The following SCUBE3 variants were observed in gnomAD, a reference collection of about 807,000 sequenced individuals.
SCUBE3 encodes signal peptide, CUB and EGF-like domain-containing protein 3.
A neutral mutation model predicts 116.8 loss-of-function variants in SCUBE3; 33 were observed. The ratio of observed to expected loss-of-function variants is 0.28; its 90% CI spans 0.21 to 0.38. SCUBE3 has a LOEUF of 0.38. Among genes scored for constraint, SCUBE3 ranks in the 10% least tolerant of loss-of-function variants. The pLI, the probability that SCUBE3 is intolerant of heterozygous loss-of-function variation, is 1.00. For synonymous variants in SCUBE3, 418 were observed against 496.9 expected (o/e 0.84, Z 2.11); for missense variants, 1,007 against 1,324.8 (o/e 0.76, Z 3.72).
intron 7 of SCUBE3, among the ~76,000 whole-genome samples, chr6:35,238,527 A>C (rs1456009676): frequency 6.6e-6 from 1 of 152,152 alleles, no homozygotes; most frequent in Non-Finnish European, 1.5e-5. Flanking sequence ...CCTGTCTCCT[A>C]CTAGCTCTGT....
chr6:35,224,473 CA>C (rs1783244128), intron 1 of SCUBE3: 1 of 151,678 alleles, frequency 6.6e-6, no homozygotes, highest in Non-Finnish European at 1.5e-5. Context: ...ATTAATAATA[CA>C]AAAATTAGCC....
In SCUBE3 at chr6:35,233,222, G is replaced by T. The variant is rs374075714; in HGVS notation, c.633G>T (p.Thr211=). Residue 211 remains threonine (T), a synonymous_variant, in exon 6 of 22, where the codon ACG becomes ACT. Transcript: ENST00000274938. The surrounding 1 kb of genome is among the most constrained non-coding windows in gnomAD (Gnocchi z 5.7). Reference sequence around the variant, plus strand: ...ATGGTAACGGCGGCTGCCAGCACACGTGTGATGACACAGAGCAGGGTCCCC... The same window carrying T: ...ATGGTAACGGCGGCTGCCAGCACACTTGTGATGACACAGAGCAGGGTCCCC... The part of the protein sequence containing the change: ...CNYGNGGCQH[T]CDDTEQGPRC... The T allele has an allele frequency of 6.2e-6, 10 of 1,613,872 alleles. No individual in the cohort carries two copies. In the African/African-American group the frequency reaches 9.3e-5, roughly 15 times the overall value.
In SCUBE3 at chr6:35,235,236, G is replaced by A. The variant is rs1368927764; in HGVS notation, c.712+1935G>A. ...TTTCTGAGACTGTTTCAGTTTTTCA[G>A]TCACTTGCGGGGAGCTTGGCATCTT... On this transcript the variant is annotated intron_variant, in intron 6 of 21. Transcript: ENST00000274938. This position sits in a 1 kb window ranked among gnomAD's most constrained non-coding sequence, Gnocchi z 4.5. 2.6e-5 allele frequency among the ~76,000 whole-genome samples: 4 copies of A among 152,150 alleles called. No individual in the cohort carries two copies. Among genetic ancestry groups the A allele is most frequent in the African/African-American group, 9.7e-5 (4 of 41,420 alleles).
rs370490155 is a variant in SCUBE3, at chr6:35,248,486, C to T, written c.2833-70C>T. ...GCCTAGTAGACATCAAGAAGGGCTG[C>T]TGAGTCATGGTGTTTCTCTTTCCCA... On this transcript the variant is annotated intron_variant, in intron 21 of 21. Coordinates refer to ENST00000274938, the MANE Select transcript of SCUBE3 (RefSeq NM_152753.4). 21 of 1,468,556 alleles carry T rather than the reference C, an allele frequency of 1.4e-5. No individual in the cohort carries two copies. In the African/African-American group the frequency reaches 2.5e-4, roughly 17 times the overall value. The allele number at this position is 1,468,556 out of a possible 1,614,324, so 91.0% of individuals were successfully genotyped here. A position where few individuals can be genotyped will look rare whatever the true frequency, so the allele number is the denominator to read the frequency against.
In SCUBE3 at chr6:35,243,159, C is replaced by T. The variant is rs201883060; in HGVS notation, c.1832C>T (p.Pro611Leu). 19 of 1,614,206 alleles carry T rather than the reference C, an allele frequency of 1.2e-5. No homozygotes were observed. Among genetic ancestry groups the T allele is most frequent in the South Asian group, 8.8e-5 (8 of 91,088 alleles). ...AGLDYELAHK[P>L]GLVAGERAEP... ...CTTGATTATGAGCTGGCCCACAAGC[C>T]GGGCCTGGTAGCCGGGGAGCGAGCA... Residue 611 changes from proline (P) to leucine (L), a missense_variant, in exon 15 of 22, where the codon CCG becomes CTG. Pro to Leu is a moderately conservative substitution (Grantham distance 98). Coordinates refer to ENST00000274938, the MANE Select transcript of SCUBE3 (RefSeq NM_152753.4). This position sits in a 1 kb window ranked among gnomAD's most constrained non-coding sequence, Gnocchi z 6.6.
chr6:35,218,162 C>G (rs973063584), intron 1 of SCUBE3: 7 of 984,918 alleles, frequency 7.1e-6, no homozygotes, highest in Non-Finnish European at 8.4e-6. Context: ...GAGATGTGAG[C>G]AGCTGGGACC....
chr6:35,235,743 C>T lies in SCUBE3; in HGVS notation c.713-2159C>T, dbSNP rs532949101. Among the ~76,000 whole-genome samples, 10 of 152,172 alleles carry T rather than the reference C, an allele frequency of 6.6e-5. No homozygotes were observed. Among genetic ancestry groups the T allele is most frequent in the Non-Finnish European group, 1.5e-4 (10 of 68,022 alleles). On this transcript the variant is annotated intron_variant, in intron 6 of 21. Transcript: ENST00000274938. The surrounding 1 kb of genome is among the most constrained non-coding windows in gnomAD (Gnocchi z 4.5). ...CTGTCACTCTCCTTCTGCCCTTCCT[C>T]TTCTGCTGTCTCCTCCCACACCCAC...
In SCUBE3 at chr6:35,243,580, C is replaced by T. The variant is rs560990590; in HGVS notation, c.1910-14C>T. 53 of 1,589,558 alleles carry T rather than the reference C, an allele frequency of 3.3e-5. No individual in the cohort carries two copies. In the Admixed American group the frequency reaches 5.8e-4, roughly 18 times the overall value. On this transcript the variant is annotated splice_polypyrimidine_tract_variant and intron_variant, in intron 15 of 21. Transcript: ENST00000274938. The surrounding 1 kb of genome is among the most constrained non-coding windows in gnomAD (Gnocchi z 6.6). ...TGCGGGGGTGGGTGGCTAGCGCGGC[C>T]GACTCTCCCTCAGTCAGCTGCCCGC... is the stretch of plus-strand genomic sequence containing the variant.
At chr6:35,227,960 A>C (rs1407943290) in intron 2 of SCUBE3, among the ~76,000 whole-genome samples, 2 of 152,214 alleles carry the variant, frequency 1.3e-5, no homozygotes, top group East Asian at 3.9e-4. Context: ...TGGGAGCATG[A>C]AAATCATAAG....
Position 35,227,579 on chromosome 6 carries a change from G to T in SCUBE3, c.86-1G>T, listed in dbSNP as rs893018305. The T allele has an allele frequency of 6.2e-7, 1 of 1,614,044 alleles. No individual in the cohort carries two copies. Among genetic ancestry groups the T allele is most frequent in the Non-Finnish European group, 8.5e-7 (1 of 1,180,026 alleles). On this transcript the variant is annotated splice_acceptor_variant, in intron 1 of 21. Transcript: ENST00000274938. LOFTEE classifies it high-confidence loss of function. ...TCATGTGCCCCCTCTGCCCCTGCCAGATGTGGATGAGTGTGTGGAGGGGAC... is the reference window on the plus strand; with the variant it reads ...TCATGTGCCCCCTCTGCCCCTGCCATATGTGGATGAGTGTGTGGAGGGGAC...
At position 35,249,150 on chromosome 6, in the gene SCUBE3, C is replaced by T. The variant is rs1313256466; in HGVS notation, c.*445C>T. ...TTGCTAGTCAGGGGCCAAAATGTCC[C>T]CTGGCTCTGCTCCCTAGGGTGATTC... is the stretch of plus-strand genomic sequence containing the variant. On this transcript the variant is annotated 3_prime_UTR_variant, in exon 22 of 22. Transcript: ENST00000274938. 6.2e-6 allele frequency: 1 copy of T among 162,560 alleles called. No homozygotes were observed. Among genetic ancestry groups the T allele is most frequent in the Non-Finnish European group, 1.3e-5 (1 of 74,196 alleles). 10.1% of individuals were successfully genotyped at this position (162,560 alleles called of 1,614,324 possible).
intron 14 of SCUBE3, 38 bp downstream of exon 14, chr6:35,242,818 GGGA>G: frequency 1.9e-6 from 3 of 1,604,514 alleles, no homozygotes; most frequent in Non-Finnish European, 2.6e-6. Flanking sequence ...GGACTGGAAG[GGGA>G]GGGCAGAGGT....
chr6:35,240,617 C>A lies in SCUBE3; in HGVS notation c.1069+127C>A. 1 of 538,198 alleles carries A rather than the reference C, an allele frequency of 1.9e-6. No homozygotes were observed. The allele number at this position is 538,198 out of a possible 1,614,324, so 33.3% of individuals were successfully genotyped here. On this transcript the variant is annotated intron_variant, in intron 9 of 21. Coordinates refer to ENST00000274938, the MANE Select transcript of SCUBE3 (RefSeq NM_152753.4). The surrounding 1 kb of genome is among the most constrained non-coding windows in gnomAD (Gnocchi z 4.6). ...TGGATGCATGCACCATGTCTGCATC[C>A]GCTGTGACAAAATAGGAGGAATTAA...
chr6:35,241,083 C>T lies in SCUBE3; in HGVS notation c.1070-58C>T. On this transcript the variant is annotated intron_variant, in intron 9 of 21. Transcript: ENST00000274938. This position sits in a 1 kb window ranked among gnomAD's most constrained non-coding sequence, Gnocchi z 4.1. ...CAAAGGCCCTCACTCACTGCCTACT[C>T]TCCGGCTCCTCCTCCAACTCCATCG... 6.5e-7 allele frequency: 1 copy of T among 1,538,834 alleles called. No individual in the cohort carries two copies. The highest frequency in any genetic ancestry group is 2.3e-5 in the East Asian group (1 of 43,792).
chr6:35,245,436 T>C lies in SCUBE3; in HGVS notation c.2599+11T>C, dbSNP rs1784293179. 6.2e-7 allele frequency: 1 copy of C among 1,612,580 alleles called. No individual in the cohort carries two copies. Among genetic ancestry groups the C allele is most frequent in the South Asian group, 1.1e-5 (1 of 91,050 alleles). On this transcript the variant is annotated intron_variant, in intron 19 of 21. Transcript: ENST00000274938. This position sits in a 1 kb window ranked among gnomAD's most constrained non-coding sequence, Gnocchi z 4.2. ...TCATGAGAAAGAACTGTGGGTGGCT[T>C]GCAGAGCTGGGCCAGGGAAGGGCAG...
intron 1 of SCUBE3, among the ~76,000 whole-genome samples, chr6:35,225,359 A>C (rs1783284879): frequency 6.6e-6 from 1 of 152,298 alleles, no homozygotes; most frequent in South Asian, 2.1e-4. Flanking sequence ...ATTTCTTTGT[A>C]CTGTTTTCTG....
chr6:35,240,002 C>T lies in SCUBE3; in HGVS notation c.952+128C>T, dbSNP rs777080794. 3 of 794,502 alleles carry T rather than the reference C, an allele frequency of 3.8e-6. No homozygotes were observed. Among genetic ancestry groups the T allele is most frequent in the Non-Finnish European group, 5.7e-6 (3 of 528,578 alleles). 49.2% of individuals were successfully genotyped at this position (794,502 alleles called of 1,614,324 possible). A position where few individuals can be genotyped will look rare whatever the true frequency, so the allele number is the denominator to read the frequency against. Reference sequence around the variant, plus strand: ...ACAGAGTCTCTAGAGGCAGTGTCATCCTGCAAATTAGCAAATGGTACTCTT... The same window carrying T: ...ACAGAGTCTCTAGAGGCAGTGTCATTCTGCAAATTAGCAAATGGTACTCTT... On this transcript the variant is annotated intron_variant, in intron 8 of 21. Coordinates refer to ENST00000274938, the MANE Select transcript of SCUBE3 (RefSeq NM_152753.4). The surrounding 1 kb of genome is among the most constrained non-coding windows in gnomAD (Gnocchi z 4.6).
rs1205372619 is a variant in SCUBE3, at chr6:35,240,671, G to A, written c.1069+181G>A. Among the ~76,000 whole-genome samples, 2 of 152,150 alleles carry A rather than the reference G, an allele frequency of 1.3e-5. No individual in the cohort carries two copies. The highest frequency in any genetic ancestry group is 2.1e-4 in the South Asian group (1 of 4,828). On this transcript the variant is annotated intron_variant, in intron 9 of 21. Coordinates refer to ENST00000274938, the MANE Select transcript of SCUBE3 (RefSeq NM_152753.4). This position sits in a 1 kb window ranked among gnomAD's most constrained non-coding sequence, Gnocchi z 4.6. Reference sequence around the variant, plus strand: ...AGCTTTTGAAGAACTGGGAGACTGCGGAAACAGCATCCTGCCTCCAAAATT... The same window carrying A: ...AGCTTTTGAAGAACTGGGAGACTGCAGAAACAGCATCCTGCCTCCAAAATT...
chr6:35,252,847 T>C lies in SCUBE3; in HGVS notation c.*4142T>C, dbSNP rs1361436818. ...AAGTTTCAGAATAATCATCGCCATGTGGGAGGCTTTTTGTTAAATGCAGAA... is the reference window on the plus strand; with the variant it reads ...AAGTTTCAGAATAATCATCGCCATGCGGGAGGCTTTTTGTTAAATGCAGAA... On this transcript the variant is annotated 3_prime_UTR_variant, in exon 22 of 22. Coordinates refer to ENST00000274938, the MANE Select transcript of SCUBE3 (RefSeq NM_152753.4). 2 of 152,172 alleles carry C rather than the reference T, an allele frequency of 1.3e-5. No individual in the cohort carries two copies. The highest frequency in any genetic ancestry group is 4.8e-5 in the African/African-American group (2 of 41,444). 9.4% of individuals were successfully genotyped at this position (152,172 alleles called of 1,614,324 possible). A position where few individuals can be genotyped will look rare whatever the true frequency, so the allele number is the denominator to read the frequency against.
Sources: allele counts gnomAD v4.1 joint callset (sites outside exome capture counted in the v4.1 genomes callset), GRCh38; gene constraint gnomAD v4.1.1; non-coding constraint Gnocchi (gnomAD v3.1); transcripts MANE v1.5; gene names NCBI Gene and HGNC (gene_info 2026-07-23, HGNC 2026-07-21).